Variants in HSPH1 observed in about 807,000 individuals in gnomAD.
HSPH1 encodes heat shock protein 105 kDa.
Under a neutral mutation model 100.0 loss-of-function variants are expected in HSPH1, and 40 were observed. That is an observed-to-expected ratio of 0.40 (90% confidence interval 0.31 to 0.52). The LOEUF is 0.52. Among genes scored for constraint, HSPH1 ranks in the 20% least tolerant of loss-of-function variants. HSPH1 has a pLI of 0.54. For synonymous variants in HSPH1, 403 were observed against 344.0 expected, an observed-to-expected ratio of 1.17 and a Z score of -1.90; for missense variants, 876 against 1,015.1, an observed-to-expected ratio of 0.86 and a Z score of 1.86.
At chr13:31,152,797 G>T in intron 5 of HSPH1, 55 bp downstream of exon 5, 1 of 1,184,944 alleles carries the variant, frequency 8.4e-7, no homozygotes. Context: ...ATAGCACTGA[G>T]AACATCTTTA....
rs752284485 is a variant in HSPH1, at chr13:31,161,763, C to T, written c.-181G>A. 6.1e-5 allele frequency: 92 copies of T among 1,513,984 alleles called. No individual in the cohort carries two copies. The highest frequency in any genetic ancestry group is 8.0e-5 in the Non-Finnish European group (91 of 1,133,174). 93.8% of individuals were successfully genotyped at this position (1,513,984 alleles called of 1,614,324 possible). On this transcript the variant is annotated 5_prime_UTR_variant, in exon 1 of 18. Coordinates refer to ENST00000320027, the MANE Select transcript of HSPH1 (RefSeq NM_006644.4). The stretch of plus-strand genomic sequence containing the variant: ...CGCGGCCTGTCAGGAGCCTCCTACT[C>T]CCCCGGGGACAGCGGCGGCTGGCTG...
In HSPH1 at chr13:31,145,585, G is replaced by C. The variant is rs1218347536; in HGVS notation, c.1562C>G (p.Pro521Arg). Residue 521 changes from proline to arginine, a missense_variant, in exon 11 of 18, where the codon CCA (proline) becomes CGA (arginine). By Grantham distance (103) the Pro-to-Arg change is moderately radical. Coordinates refer to ENST00000320027, the MANE Select transcript of HSPH1 (RefSeq NM_006644.4). ...EADMECLNQR[P>R]PENPDTDKNV... is the part of the protein sequence containing the mutation. Reference sequence around the variant, plus strand: ...TACATCAGTGTCTGGGTTTTCTGGTGGTCTCTGATTCAGACACTCCATGTC... The same window carrying C: ...TACATCAGTGTCTGGGTTTTCTGGTCGTCTCTGATTCAGACACTCCATGTC... 1.2e-6 allele frequency: 2 copies of C among 1,613,050 alleles called. No homozygotes were observed. Among genetic ancestry groups the C allele is most frequent in the South Asian group, 1.1e-5 (1 of 91,050 alleles).
chr13:31,149,503 G>A (rs1027956000), intron 8 of HSPH1, among the ~76,000 whole-genome samples: 1 of 152,056 alleles, frequency 6.6e-6, no homozygotes, highest in Non-Finnish European at 1.5e-5. Flanking sequence ...CTTTTTATCT[G>A]ATAAGCAGAT....
chr13:31,143,844 G>A lies in HSPH1; in HGVS notation c.1664C>T (p.Pro555Leu), dbSNP rs1803464. ...TTCTGAGGTAAGTTCAGGTGAAGGG[G>A]GAGACTGTGAGGTTTGTTGAGCATC... ...QTDAQQTSQS[P>L]PSPELTSEEN... The change falls in exon 12 of 18, where the codon CCC becomes CTC. Residue 555 changes from proline (P) to leucine (L), a missense_variant. Pro to Leu is a moderately conservative substitution (Grantham distance 98). Coordinates refer to ENST00000320027, the MANE Select transcript of HSPH1 (RefSeq NM_006644.4). The A allele has an allele frequency of 6.2e-7, 1 of 1,611,714 alleles. No individual in the cohort carries two copies. Among genetic ancestry groups the A allele is most frequent in the Non-Finnish European group, 8.5e-7 (1 of 1,178,624 alleles).
Position 31,150,154 on chromosome 13 carries a change from G to T in HSPH1, c.937C>A (p.Leu313Ile). ...AGGGGTACTTCTATCTTTTGCAGAA[G>T]TTCAGCACAGAGTTCTTCAAATTGT... is the stretch of plus-strand genomic sequence containing the variant. ...RSQFEELCAE[L>I]LQKIEVPLYS... Residue 313 changes from leucine to isoleucine, a missense_variant, in exon 8 of 18, where the codon CTT (leucine) becomes ATT (isoleucine). Physicochemically the swap from Leu to Ile is conservative, Grantham distance 5 (BLOSUM62 2). Coordinates refer to ENST00000320027, the MANE Select transcript of HSPH1 (RefSeq NM_006644.4). The T allele has an allele frequency of 6.2e-7, 1 of 1,603,690 alleles. No individual in the cohort carries two copies. Among genetic ancestry groups the T allele is most frequent in the Non-Finnish European group, 8.5e-7 (1 of 1,173,132 alleles).
intron 1 of HSPH1, 134 bp downstream of exon 1, chr13:31,161,342 T>A: frequency 6.9e-7 from 1 of 1,451,260 alleles, no homozygotes; most frequent in Non-Finnish European, 9.2e-7. Flanking sequence ...TGGTCCCTAG[T>A]TCCACGGAGG....
intron 3 of HSPH1, 113 bp from the exon 4 acceptor site, chr13:31,154,868 T>C (rs889402455): frequency 4.0e-5 from 36 of 894,144 alleles, no homozygotes; most frequent in Non-Finnish European, 5.8e-5. Context: ...TATTTTATTG[T>C]TGTAGTTGTT....
chr13:31,139,776 G>A (rs1234207752), intron 14 of HSPH1, among the ~76,000 whole-genome samples: 5 of 152,070 alleles, frequency 3.3e-5, no homozygotes, highest in African/African-American at 9.7e-5. Flanking sequence ...AAAGGGATAA[G>A]GGGAATAACG....
In HSPH1 at chr13:31,137,534, AC is replaced by A. The variant is rs1593706448; in HGVS notation, c.2371-11del. The stretch of plus-strand genomic sequence containing the variant: ...ATGTGTTGTTCAATTCCTAAAGAAA[AC>A]AAAAACTAGTTATCAGATTAACTCA... On this transcript the variant is annotated splice_polypyrimidine_tract_variant and intron_variant, in intron 17 of 17. Coordinates refer to ENST00000320027, the MANE Select transcript of HSPH1 (RefSeq NM_006644.4). The A allele has an allele frequency of 6.2e-7, 1 of 1,601,178 alleles. No individual in the cohort carries two copies. The highest frequency in any genetic ancestry group is 2.2e-5 in the East Asian group (1 of 44,760).
At position 31,138,857 on chromosome 13, in the gene HSPH1, T is replaced by A; in HGVS notation, c.2132A>T (p.Glu711Val). ...PVKVRFQEAE[E>V]RPKMFEELGQ... Reference sequence around the variant, plus strand: ...TAGTTCTTCAAACATTTTTGGCCGTTCTTCAGCTTCCTGAAACCGAACTTT... The same window carrying A: ...TAGTTCTTCAAACATTTTTGGCCGTACTTCAGCTTCCTGAAACCGAACTTT... The change falls in exon 16 of 18, where the codon GAA (glutamate) becomes GTA (valine). Residue 711 changes from glutamate to valine, a missense_variant. Glu to Val is a moderately radical substitution (Grantham distance 121, BLOSUM62 -2). Coordinates refer to ENST00000320027, the MANE Select transcript of HSPH1 (RefSeq NM_006644.4). The A allele has an allele frequency of 6.2e-7, 1 of 1,610,242 alleles. No homozygotes were observed. Among genetic ancestry groups the A allele is most frequent in the Non-Finnish European group, 8.5e-7 (1 of 1,178,102 alleles).
chr13:31,157,882 C>T (rs1268493124), intron 2 of HSPH1, among the ~76,000 whole-genome samples: 1 of 152,108 alleles, frequency 6.6e-6, no homozygotes. Context: ...TAGGAACTAT[C>T]ACTTCAATAA....
rs1424549603 is a variant in HSPH1 at position 31,145,501 on chromosome 13, T to C, written c.1584+62A>G. The C allele has an allele frequency of 4.6e-6, 6 of 1,292,490 alleles. No individual in the cohort carries two copies. The East Asian group carries it at 1.2e-4, about 25-fold the overall frequency. 80.1% of individuals were successfully genotyped at this position (1,292,490 alleles called of 1,614,324 possible). On this transcript the variant is annotated intron_variant, in intron 11 of 17. Coordinates refer to ENST00000320027, the MANE Select transcript of HSPH1 (RefSeq NM_006644.4). Reference sequence around the variant, plus strand: ...TCATTTTAACCCTTCCCTACCCAATTCTCCTATAGCTTAGAACTAAGTCAA... The same window carrying C: ...TCATTTTAACCCTTCCCTACCCAATCCTCCTATAGCTTAGAACTAAGTCAA...
In HSPH1 at chr13:31,152,820, T is replaced by G; in HGVS notation, c.529+32A>C. 3 of 1,350,574 alleles carry G rather than the reference T, an allele frequency of 2.2e-6. No homozygotes were observed. The South Asian group carries it at 3.5e-5, about 16-fold the overall frequency. The allele number at this position is 1,350,574 out of a possible 1,614,324, so 83.7% of individuals were successfully genotyped here. ...GAGAACATCTTTAGTTCTGATAGTA[T>G]ATTCACTTCCACACAAATGCCTTTT... On this transcript the variant is annotated intron_variant, in intron 5 of 17. Transcript: ENST00000320027.
At chr13:31,153,615 A>G (rs1249581005) in intron 4 of HSPH1, among the ~76,000 whole-genome samples, 2 of 152,190 alleles carry the variant, frequency 1.3e-5, no homozygotes, top group African/African-American at 2.4e-5. Context: ...TCAGGATACT[A>G]TTCAGGAAAA....
At chr13:31,158,960 G>C (rs1382108041) in intron 1 of HSPH1, 97 bp from the exon 2 acceptor site, 1 of 761,404 alleles carries the variant, frequency 1.3e-6, no homozygotes, top group Non-Finnish European at 2.3e-6. Context: ...TACCCATTAG[G>C]GGATAGGGAA....
At chr13:31,141,370 A>AAT in intron 12 of HSPH1, 111 bp from the exon 13 acceptor site, 1 of 901,622 alleles carries the variant, frequency 1.1e-6, no homozygotes, top group Non-Finnish European at 1.7e-6. Context: ...AAATCTCTAA[A>AAT]AATCATAAAG....
chr13:31,145,760 C>G lies in HSPH1; in HGVS notation c.1387G>C (p.Val463Leu). The G allele has an allele frequency of 6.2e-7, 1 of 1,613,300 alleles. No individual in the cohort carries two copies. The highest frequency in any genetic ancestry group is 1.1e-5 in the South Asian group (1 of 91,072). The change falls in exon 11 of 18, where the codon GTA becomes CTA. Residue 463 changes from valine (V) to leucine (L), a missense_variant. Physicochemically the swap from Val to Leu is conservative, Grantham distance 32. Transcript: ENST00000320027. ...TTCTGTGCAGAAACATTCTGAACTA[C>G]AAAGCGGCCTAGAACAACAACAACA... ...PYPEAKIGRF[V>L]VQNVSAQKDG...
At chr13:31,159,596 T>G (rs561526828) in intron 1 of HSPH1, among the ~76,000 whole-genome samples, 122 of 152,262 alleles carry the variant, frequency 8.0e-4, no homozygotes, top group African/African-American at 2.9e-3. Context: ...TAAAAAGTCT[T>G]GTGAGAAGAA....
At chr13:31,161,017 C>T (rs867475958) in intron 1 of HSPH1, among the ~76,000 whole-genome samples, 6 of 152,202 alleles carry the variant, frequency 3.9e-5, no homozygotes, top group African/African-American at 1.4e-4. Context: ...CCCCGCTCCG[C>T]GGTGCGCAAA....
Sources: allele counts gnomAD v4.1 joint callset (sites outside exome capture counted in the v4.1 genomes callset), GRCh38; gene constraint gnomAD v4.1.1; transcripts MANE v1.5; gene names NCBI Gene and HGNC (gene_info 2026-07-23, HGNC 2026-07-21).